The following PCDH7 variants were observed in gnomAD, a reference collection of about 807,000 sequenced individuals.
The protein encoded by PCDH7 is protocadherin-7.
In PCDH7, 17 loss-of-function variants were observed where a neutral mutation model predicts 58.9. The ratio of observed to expected loss-of-function variants is 0.29; its 90% CI spans 0.20 to 0.43. PCDH7 has a LOEUF of 0.43. Among genes scored for constraint, PCDH7 ranks in the 20% least tolerant of loss-of-function variants. The pLI is 1.00. For missense variants in PCDH7, 1,274 were observed against 1,441.0 expected (o/e 0.88, Z 1.88); for synonymous variants, 664 against 616.4 (o/e 1.08, Z -1.14).
chr4:31,009,066 A>G (rs1752987930), intron 3 of PCDH7, among the ~76,000 whole-genome samples: 1 of 152,122 alleles, frequency 6.6e-6, no homozygotes, highest in Non-Finnish European at 1.5e-5. Flanking sequence ...AAAATTATTG[A>G]CACATAAGTG....
chr4:30,729,618 G>A (rs961252720), intron 1 of PCDH7, among the ~76,000 whole-genome samples: 13 of 151,828 alleles, frequency 8.6e-5, no homozygotes, highest in African/African-American at 2.9e-4. Context: ...AAATAGAAAA[G>A]AATTAAAACA....
chr4:30,777,917 T>C (rs927646710), intron 1 of PCDH7, among the ~76,000 whole-genome samples: 14 of 152,192 alleles, frequency 9.2e-5, no homozygotes, highest in Non-Finnish European at 1.3e-4. Flanking sequence ...TTTTAGAGCC[T>C]ATCATCTTTT....
chr4:30,736,772 G>A (rs981007677), downstream of PCDH7, among the ~76,000 whole-genome samples: 1 of 151,916 alleles, frequency 6.6e-6, no homozygotes, highest in Non-Finnish European at 1.5e-5. Flanking sequence ...TCTTGACCTC[G>A]TGATCCGCCC....
At chr4:31,007,237 TACTC>T (rs1348583808) in intron 3 of PCDH7, among the ~76,000 whole-genome samples, 1 of 152,088 alleles carries the variant, frequency 6.6e-6, no homozygotes, top group African/African-American at 2.4e-5. Context: ...TAATTGTAAA[TACTC>T]ACTTGCATTT....
At chr4:30,988,980 A>G (rs1751225682) in intron 3 of PCDH7, among the ~76,000 whole-genome samples, 1 of 152,192 alleles carries the variant, frequency 6.6e-6, no homozygotes, top group Non-Finnish European at 1.5e-5. Flanking sequence ...AGTTCATCAA[A>G]AAGTCCTCAC....
Position 30,947,318 on chromosome 4 carries a change from C to T in PCDH7, c.288-2802C>T, listed in dbSNP as rs989326023. On this transcript the variant is annotated intron_variant, in intron 2 of 3. Coordinates refer to the PCDH7 transcript ENST00000509759. ...AAAAAACTTATTACAAACTCTTTATCGTCAGTGCACTTAATAATAACCACA... is the reference window on the plus strand; with the variant it reads ...AAAAAACTTATTACAAACTCTTTATTGTCAGTGCACTTAATAATAACCACA... 3.9e-5 allele frequency among the ~76,000 whole-genome samples: 6 copies of T among 152,210 alleles called. No individual in the cohort carries two copies. The East Asian group carries it at 7.7e-4, about 20-fold the overall frequency.
downstream of PCDH7, chr4:31,146,540 G>A (rs963550424): frequency 6.6e-6 from 1 of 151,884 alleles, no homozygotes; most frequent in Non-Finnish European, 1.5e-5. Flanking sequence ...GTTCAGTGTG[G>A]TACGATCTGT....
chr4:31,000,960 T>C lies in PCDH7; in HGVS notation c.*7+50745T>C, dbSNP rs377738277. Among the ~76,000 whole-genome samples, 9 of 152,218 alleles carry C rather than the reference T, an allele frequency of 5.9e-5. 1 individual carries two copies. The highest frequency in any genetic ancestry group is 5.8e-4 in the East Asian group (3 of 5,176). On this transcript the variant is annotated intron_variant, in intron 3 of 3. Coordinates refer to the PCDH7 transcript ENST00000509759. ...ACACCAATACACCCTGTTATATAGA[T>C]GGTGAAGCATCAAAAGTATATTAAT...
intron 3 of PCDH7, among the ~76,000 whole-genome samples, chr4:30,973,654 T>C (rs568706013): frequency 4.7e-4 from 72 of 152,208 alleles, no homozygotes; most frequent in East Asian, 7.7e-4. Flanking sequence ...TAAAACTCCA[T>C]TGGGGCAAAA....
chr4:30,989,788 C>T (rs1751300625), intron 3 of PCDH7, among the ~76,000 whole-genome samples: 1 of 151,972 alleles, frequency 6.6e-6, no homozygotes, highest in African/African-American at 2.4e-5. Flanking sequence ...TATCTGACAC[C>T]CTTCCCCACC....
intron 1 of PCDH7, among the ~76,000 whole-genome samples, chr4:30,878,452 G>A (rs1578141156): frequency 6.6e-6 from 1 of 152,138 alleles, no homozygotes; most frequent in African/African-American, 2.4e-5. Context: ...GTAGAATGAA[G>A]ATTGAGGACA....
At chr4:31,010,026 G>C (rs1753055125) in intron 3 of PCDH7, among the ~76,000 whole-genome samples, 1 of 151,962 alleles carries the variant, frequency 6.6e-6, no homozygotes, top group Admixed American at 6.6e-5. Flanking sequence ...TGAATCATAA[G>C]ATTTCAACAG....
chr4:30,955,933 C>A (rs532480498), intron 3 of PCDH7, among the ~76,000 whole-genome samples: 10 of 151,788 alleles, frequency 6.6e-5, no homozygotes, highest in African/African-American at 1.9e-4. Flanking sequence ...GCCTGTAATC[C>A]CAGCACTTTG....
intron 1 of PCDH7, among the ~76,000 whole-genome samples, chr4:30,862,721 A>C (rs1403177749): frequency 6.6e-6 from 1 of 152,112 alleles, no homozygotes; most frequent in Non-Finnish European, 1.5e-5. Flanking sequence ...AGCTTCTCTC[A>C]GTTCAACAAC....
At chr4:30,771,785 T>G (rs1311631426) in intron 1 of PCDH7, among the ~76,000 whole-genome samples, 1 of 152,212 alleles carries the variant, frequency 6.6e-6, no homozygotes, top group Admixed American at 6.5e-5. Flanking sequence ...CATAAAATGC[T>G]TTATGAAATT....
chr4:30,982,067 C>G (rs926478052), intron 3 of PCDH7, among the ~76,000 whole-genome samples: 2 of 152,102 alleles, frequency 1.3e-5, no homozygotes, highest in Non-Finnish European at 2.9e-5. Flanking sequence ...TTAAAGTGTT[C>G]TTACCACACA....
At chr4:30,823,783 C>T (rs1728669531) in intron 1 of PCDH7, among the ~76,000 whole-genome samples, 1 of 152,094 alleles carries the variant, frequency 6.6e-6, no homozygotes, top group Non-Finnish European at 1.5e-5. Flanking sequence ...ATAGGGCTAA[C>T]TCAGCATAGG....
At chr4:30,816,954 T>C (rs1727755229) in intron 1 of PCDH7, among the ~76,000 whole-genome samples, 1 of 152,206 alleles carries the variant, frequency 6.6e-6, no homozygotes, top group African/African-American at 2.4e-5. Flanking sequence ...ATAGTATCTA[T>C]TCTTGCATCA....
At chr4:30,799,989 G>A (rs1725320012) in intron 1 of PCDH7, among the ~76,000 whole-genome samples, 1 of 151,546 alleles carries the variant, frequency 6.6e-6, no homozygotes, top group Non-Finnish European at 1.5e-5. Context: ...GAGTAGCTGG[G>A]ACTACAGGCA....
Sources: allele counts gnomAD v4.1 joint callset (sites outside exome capture counted in the v4.1 genomes callset), GRCh38; gene constraint gnomAD v4.1.1; transcripts MANE v1.5; gene names NCBI Gene and HGNC (gene_info 2026-07-23, HGNC 2026-07-21).